OR6C4: variants seen among roughly 807,000 people sequenced by gnomAD.
OR6C4 encodes olfactory receptor family 6 subfamily C member 4.
OR6C4 carries 20 observed loss-of-function variants against 15.1 expected under a neutral mutation model. The observed-to-expected ratio is 1.32, with a 90% CI of 0.93 to 1.92. The LOEUF (loss-of-function observed/expected upper bound fraction) is 1.92, where lower values mean the gene tolerates loss of function less well. OR6C4 is among the 30% of genes most tolerant of loss of function. The pLI is 0.00. For missense variants in OR6C4, 491 were observed against 363.2 expected, an observed-to-expected ratio of 1.35 and a Z score of -2.86; for synonymous variants, 179 against 134.2, an observed-to-expected ratio of 1.33 and a Z score of -2.31.
Position 55,551,900 on chromosome 12 carries a change from G to A in OR6C4, c.674G>A (p.Arg225Lys). The A allele has an allele frequency of 6.2e-7, 1 of 1,613,740 alleles. No individual in the cohort carries two copies. The highest frequency in any genetic ancestry group is 8.5e-7 in the Non-Finnish European group (1 of 1,179,894). ...ACATACATTATCAGGACTATTCTGA[G>A]GATCCCTTCTGCCCAGCAAAGGACA... ...SYTYIIRTIL[R>K]IPSAQQRTKA... Residue 225 changes from arginine (R) to lysine (K), a missense_variant, in exon 2 of 2, where the codon AGG (arginine) becomes AAG (lysine). Physicochemically the swap from Arg to Lys is conservative, Grantham distance 26 (BLOSUM62 2). Transcript: ENST00000641569.
In OR6C4 at chr12:55,551,936, C is replaced by T; in HGVS notation, c.710C>T (p.Ser237Phe). 6 of 1,613,860 alleles carry T rather than the reference C, an allele frequency of 3.7e-6. No individual in the cohort carries two copies. Among genetic ancestry groups the T allele is most frequent in the Non-Finnish European group, 1.7e-6 (2 of 1,179,906 alleles). Residue 237 changes from serine to phenylalanine, a missense_variant, in exon 2 of 2, where the codon TCC (serine) becomes TTC (phenylalanine). Physicochemically the swap from Ser to Phe is radical, Grantham distance 155. Transcript: ENST00000641569. ...GCCCAGCAAAGGACAAAGGCCTTTT[C>T]CACTTGTTCCTCCCACATGATTGTC... Reference protein sequence around the residue: ...PSAQQRTKAFSTCSSHMIVIS... With the variant: ...PSAQQRTKAFFTCSSHMIVIS...
At position 55,552,140 on chromosome 12, in the gene OR6C4, A is replaced by C. The variant is rs370301670; in HGVS notation, c.914A>C (p.Lys305Thr). The C allele has an allele frequency of 6.3e-6, 10 of 1,594,864 alleles. No individual in the cohort carries two copies. The African/African-American group carries it at 1.1e-4, about 17-fold the overall frequency. The change falls in exon 2 of 2, where the codon AAG (lysine) becomes ACG (threonine). Residue 305 changes from lysine (K) to threonine (T), a missense_variant. Coordinates refer to ENST00000641569, the MANE Select transcript of OR6C4 (RefSeq NM_001005494.2). ...VKQAFKDSVK[K>T]IVKL ...CAAGCTTTCAAGGACTCAGTCAAAA[A>C]GATTGTGAAACTTTAAAAAAGGAGA...
rs1453787481 is a variant in OR6C4, at chr12:55,552,201, G to T, written c.*45G>T. On this transcript the variant is annotated 3_prime_UTR_variant, in exon 2 of 2. Transcript: ENST00000641569. ...AAATACATTTTCACTTAACAAATAT[G>T]CATTGAATGTCTATATTTCAAGTGC... 3 of 1,288,492 alleles carry T rather than the reference G, an allele frequency of 2.3e-6. No individual in the cohort carries two copies. Among genetic ancestry groups the T allele is most frequent in the Non-Finnish European group, 3.2e-6 (3 of 926,322 alleles). The allele number at this position is 1,288,492 out of a possible 1,614,324, so 79.8% of individuals were successfully genotyped here.
rs1351251943 is a variant in OR6C4 at position 55,553,052 on chromosome 12, A to G, written c.*896A>G. 1 of 152,068 alleles carries G rather than the reference A, an allele frequency of 6.6e-6. No individual in the cohort carries two copies. The highest frequency in any genetic ancestry group is 1.5e-5 in the Non-Finnish European group (1 of 67,974). 9.4% of individuals were successfully genotyped at this position (152,068 alleles called of 1,614,324 possible). On this transcript the variant is annotated 3_prime_UTR_variant, in exon 2 of 2. Transcript: ENST00000641569. ...AAAGAAAATTCTGTTATCTGGCTCTACTTCTTTAACTTTCCCCCAGATTTT... is the reference window on the plus strand; with the variant it reads ...AAAGAAAATTCTGTTATCTGGCTCTGCTTCTTTAACTTTCCCCCAGATTTT...
rs938363595 is a variant in OR6C4, at chr12:55,554,571, T to C, written c.*2415T>C. 1 of 152,146 alleles carries C rather than the reference T, an allele frequency of 6.6e-6. No homozygotes were observed. The highest frequency in any genetic ancestry group is 6.5e-5 in the Admixed American group (1 of 15,274). 9.4% of individuals were successfully genotyped at this position (152,146 alleles called of 1,614,324 possible). On this transcript the variant is annotated 3_prime_UTR_variant, in exon 2 of 2. Coordinates refer to ENST00000641569, the MANE Select transcript of OR6C4 (RefSeq NM_001005494.2). ...TACCAGAATATTCAGTATCTAAATATATAAAATGGTGAGTTTGATTCCTCA... is the reference window on the plus strand; with the variant it reads ...TACCAGAATATTCAGTATCTAAATACATAAAATGGTGAGTTTGATTCCTCA...
chr12:55,551,435 C>A lies in OR6C4; in HGVS notation c.209C>A (p.Ser70Tyr). ...CGGAATTTCTCCTTCTTAGAAATTT[C>A]CTTCACATCCATTTTTATTCCCAGA... ...FLRNFSFLEI[S>Y]FTSIFIPRFL... The change falls in exon 2 of 2, where the codon TCC (serine) becomes TAC (tyrosine). Residue 70 changes from serine (S) to tyrosine (Y), a missense_variant. Transcript: ENST00000641569. The A allele has an allele frequency of 6.2e-7, 1 of 1,613,872 alleles. No individual in the cohort carries two copies. The highest frequency in any genetic ancestry group is 8.5e-7 in the Non-Finnish European group (1 of 1,179,902).
In OR6C4 at chr12:55,552,290, C is replaced by A; in HGVS notation, c.*134C>A. On this transcript the variant is annotated 3_prime_UTR_variant, in exon 2 of 2. Transcript: ENST00000641569. ...GTCTTAATTTCAAGAAAACTATAGT[C>A]TAGAATCAAGGAAAGATATATAAAT... The A allele has an allele frequency of 1.7e-6, 1 of 574,490 alleles. No homozygotes were observed. The highest frequency in any genetic ancestry group is 3.0e-6 in the Non-Finnish European group (1 of 338,072). The allele number at this position is 574,490 out of a possible 1,614,324, so 35.6% of individuals were successfully genotyped here. A position where few individuals can be genotyped will look rare whatever the true frequency, so the allele number is the denominator to read the frequency against.
Position 55,551,559 on chromosome 12 carries a change from C to T in OR6C4, c.333C>T (p.Tyr111=). Residue 111 remains tyrosine, a synonymous_variant, in exon 2 of 2, where the codon TAC becomes TAT. Transcript: ENST00000641569. ...TATTTCTTGGAGCTACCGAGTTTTA[C>T]CTCCTGGCCTCCATGTCTTATGATC... ...FAIFLGATEF[Y]LLASMSYDRY... is the part of the protein sequence containing the mutation. 1 of 1,613,906 alleles carries T rather than the reference C, an allele frequency of 6.2e-7. No individual in the cohort carries two copies. The highest frequency in any genetic ancestry group is 2.2e-5 in the East Asian group (1 of 44,878).
chr12:55,551,863 A>G lies in OR6C4; in HGVS notation c.637A>G (p.Thr213Ala), dbSNP rs375911634. 5.6e-6 allele frequency: 9 copies of G among 1,613,748 alleles called. No individual in the cohort carries two copies. The highest frequency in any genetic ancestry group is 3.3e-5 in the South Asian group (3 of 91,050). ...TCTCATGGTTACTCTGGTGCTGGTG[A>G]CACTTTCTTACACATACATTATCAG... is the stretch of plus-strand genomic sequence containing the variant. ...VTLMVTLVLV[T>A]LSYTYIIRTI... The change falls in exon 2 of 2, where the codon ACA becomes GCA. Residue 213 changes from threonine to alanine, a missense_variant. By Grantham distance (58) the Thr-to-Ala change is moderately conservative. Coordinates refer to ENST00000641569, the MANE Select transcript of OR6C4 (RefSeq NM_001005494.2).
In OR6C4 at chr12:55,551,781, T is replaced by C. The variant is rs2135867706; in HGVS notation, c.555T>C (p.Leu185=). The change falls in exon 2 of 2, where the codon CTT becomes CTC. Residue 185 remains leucine (L), a synonymous_variant. Transcript: ENST00000641569. ...GTGACTATGGGCCTCTCGTGGAGCT[T>C]GCCTGCTCAGACACAAGCCTCTTAG... is the stretch of plus-strand genomic sequence containing the variant. ...YYCDYGPLVE[L]ACSDTSLLEL... 2 of 1,612,676 alleles carry C rather than the reference T, an allele frequency of 1.2e-6. No individual in the cohort carries two copies. The highest frequency in any genetic ancestry group is 1.7e-6 in the Non-Finnish European group (2 of 1,179,928).
In OR6C4 at chr12:55,550,017, TG is replaced by T. The variant is rs1873814259; in HGVS notation, c.-119del. ...GGTTGTCAAAGGTATGAGCAACATA[TG>T]TTTTTAAAGTCACTGATTTTATCAT... On this transcript the variant is annotated 5_prime_UTR_variant, in exon 1 of 2. It removes an upstream start codon present in the reference 5' UTR. Coordinates refer to ENST00000641569, the MANE Select transcript of OR6C4 (RefSeq NM_001005494.2). 6.6e-6 allele frequency: 1 copy of T among 152,206 alleles called. No individual in the cohort carries two copies. Among genetic ancestry groups the T allele is most frequent in the South Asian group, 2.1e-4 (1 of 4,832 alleles). 9.4% of individuals were successfully genotyped at this position (152,206 alleles called of 1,614,324 possible).
At position 55,555,771 on chromosome 12, in the gene OR6C4, C is replaced by G. The variant is rs1874004537; in HGVS notation, c.*3615C>G. On this transcript the variant is annotated 3_prime_UTR_variant, in exon 2 of 2. Transcript: ENST00000641569. ...CCAGGCTGGGCAACACAGCAAGACT[C>G]TGTCTCAAAAAAACATAAAATAAAA... The G allele has an allele frequency of 6.6e-6, 1 of 152,124 alleles. No individual in the cohort carries two copies. The highest frequency in any genetic ancestry group is 2.4e-5 in the African/African-American group (1 of 41,416). The allele number at this position is 152,124 out of a possible 1,614,324, so 9.4% of individuals were successfully genotyped here.
chr12:55,551,289 C>G lies in OR6C4; in HGVS notation c.63C>G (p.Leu21=). The part of the protein sequence containing the change: ...ILLGLTNQPE[L]QVMIFIFLFL... ...TGGGCCTTACAAATCAACCTGAACT[C>G]CAAGTGATGATATTCATCTTTCTGT... Residue 21 remains leucine (L), a synonymous_variant, in exon 2 of 2, where the codon CTC becomes CTG. Coordinates refer to ENST00000641569, the MANE Select transcript of OR6C4 (RefSeq NM_001005494.2). 6.2e-7 allele frequency: 1 copy of G among 1,613,574 alleles called. No homozygotes were observed. Among genetic ancestry groups the G allele is most frequent in the Non-Finnish European group, 8.5e-7 (1 of 1,179,718 alleles).
rs1301012427 is a variant in OR6C4, at chr12:55,549,824, G to GT, written c.-311dup. On this transcript the variant is annotated 5_prime_UTR_variant, in exon 1 of 2. It introduces an in-frame stop codon into an upstream open reading frame of the 5' UTR. Coordinates refer to ENST00000641569, the MANE Select transcript of OR6C4 (RefSeq NM_001005494.2). ...GGAAAATAATATGCTCTTTTTTCTG[G>GT]TTAAGTTCCATAAGTTTGGATACTT... is the stretch of plus-strand genomic sequence containing the variant. The GT allele has an allele frequency of 6.6e-6, 1 of 152,000 alleles. No homozygotes were observed. Among genetic ancestry groups the GT allele is most frequent in the African/African-American group, 2.4e-5 (1 of 41,386 alleles). 9.4% of individuals were successfully genotyped at this position (152,000 alleles called of 1,614,324 possible).
In OR6C4 at chr12:55,552,729, A is replaced by C. The variant is rs1482874920; in HGVS notation, c.*573A>C. 6.6e-6 allele frequency: 1 copy of C among 152,098 alleles called. No individual in the cohort carries two copies. Among genetic ancestry groups the C allele is most frequent in the Non-Finnish European group, 1.5e-5 (1 of 67,992 alleles). 9.4% of individuals were successfully genotyped at this position (152,098 alleles called of 1,614,324 possible). ...ACCATTGCAACTTCCCTCCTTTCAT[A>C]AGAGGAAAATGAAAGAATATATATT... On this transcript the variant is annotated 3_prime_UTR_variant, in exon 2 of 2. Transcript: ENST00000641569.
chr12:55,554,892 A>G lies in OR6C4; in HGVS notation c.*2736A>G, dbSNP rs912900242. The G allele has an allele frequency of 6.6e-6, 1 of 152,140 alleles. No homozygotes were observed. Among genetic ancestry groups the G allele is most frequent in the Admixed American group, 6.6e-5 (1 of 15,258 alleles). 9.4% of individuals were successfully genotyped at this position (152,140 alleles called of 1,614,324 possible). On this transcript the variant is annotated 3_prime_UTR_variant, in exon 2 of 2. Coordinates refer to ENST00000641569, the MANE Select transcript of OR6C4 (RefSeq NM_001005494.2). ...TTTTTTATTTCAGCCAGGATCAGTGACTCACACTTCTAATCCCAGCTCTTT... is the reference window on the plus strand; with the variant it reads ...TTTTTTATTTCAGCCAGGATCAGTGGCTCACACTTCTAATCCCAGCTCTTT...
Position 55,552,214 on chromosome 12 carries a change from A to G in OR6C4, c.*58A>G. ...CTTAACAAATATGCATTGAATGTCT[A>G]TATTTCAAGTGCTAAATTGGCCCTT... On this transcript the variant is annotated 3_prime_UTR_variant, in exon 2 of 2. Coordinates refer to ENST00000641569, the MANE Select transcript of OR6C4 (RefSeq NM_001005494.2). 2.5e-6 allele frequency: 3 copies of G among 1,190,374 alleles called. No homozygotes were observed. Among genetic ancestry groups the G allele is most frequent in the Non-Finnish European group, 2.4e-6 (2 of 847,380 alleles). 73.7% of individuals were successfully genotyped at this position (1,190,374 alleles called of 1,614,324 possible).
chr12:55,551,206 T>C lies in OR6C4; in HGVS notation c.-18-3T>C, dbSNP rs774732734. 2.6e-6 allele frequency: 4 copies of C among 1,559,988 alleles called. No individual in the cohort carries two copies. The highest frequency in any genetic ancestry group is 2.3e-5 in the South Asian group (2 of 86,872). On this transcript the variant is annotated splice_region_variant and splice_polypyrimidine_tract_variant and intron_variant, in intron 1 of 1. Coordinates refer to ENST00000641569, the MANE Select transcript of OR6C4 (RefSeq NM_001005494.2). The stretch of plus-strand genomic sequence containing the variant: ...TTTCATCATTCTCACCTTTTGCCTT[T>C]AGGTTTTCCGAAGGTCAACAATGAA...
rs1344453095 is a variant in OR6C4 at position 55,553,131 on chromosome 12, T to C, written c.*975T>C. On this transcript the variant is annotated 3_prime_UTR_variant, in exon 2 of 2. Transcript: ENST00000641569. ...TGACCATTTTATAAAGTAAAAAGAA[T>C]ATAAAGTGTCAATGCAATCTTATAT... 2 of 152,138 alleles carry C rather than the reference T, an allele frequency of 1.3e-5. No individual in the cohort carries two copies. Among genetic ancestry groups the C allele is most frequent in the Non-Finnish European group, 2.9e-5 (2 of 67,984 alleles). 9.4% of individuals were successfully genotyped at this position (152,138 alleles called of 1,614,324 possible).
Sources: allele counts gnomAD v4.1 joint callset, GRCh38; gene constraint gnomAD v4.1.1; transcripts MANE v1.5; gene names NCBI Gene and HGNC (gene_info 2026-07-23, HGNC 2026-07-21).